Variants in FGGY observed in about 807,000 individuals in gnomAD.
FGGY encodes the protein FGGY carbohydrate kinase domain containing.
In FGGY, 72 loss-of-function variants were observed where a neutral mutation model predicts 71.3. The ratio of observed to expected loss-of-function variants is 1.01; its 90% CI spans 0.84 to 1.23. The LOEUF is 1.23. Ranked by LOEUF, FGGY falls within the 50% of genes most tolerant of loss-of-function variation. FGGY has a pLI of 0.00. For missense variants in FGGY, 668 were observed against 682.3 expected, an observed-to-expected ratio of 0.98 and a Z score of 0.23; for synonymous variants, 251 against 250.3, an observed-to-expected ratio of 1.00 and a Z score of -0.02.
chr1:59,651,377 G>T (rs12075498), intron 11 of FGGY, among the ~76,000 whole-genome samples: 10 of 148,546 alleles, frequency 6.7e-5, no homozygotes, highest in African/African-American at 2.6e-4. Flanking sequence ...TTATTAATGC[G>T]TGGGAGTCTA....
intron 7 of FGGY, among the ~76,000 whole-genome samples, chr1:59,520,372 G>A (rs1056046357): frequency 2.6e-5 from 4 of 152,170 alleles, no homozygotes; most frequent in Non-Finnish European, 2.9e-5. Context: ...CAAGCCACAC[G>A]GGACAACTTG....
At chr1:59,705,018 A>G (rs1316160433) in intron 14 of FGGY, among the ~76,000 whole-genome samples, 1 of 152,196 alleles carries the variant, frequency 6.6e-6, no homozygotes, top group South Asian at 2.1e-4. Flanking sequence ...CCCCATTACT[A>G]GTAAGAATGA....
chr1:59,357,122 A>T (rs2054481877), intron 4 of FGGY, among the ~76,000 whole-genome samples: 1 of 152,166 alleles, frequency 6.6e-6, no homozygotes, highest in Non-Finnish European at 1.5e-5. Flanking sequence ...CTGGACTTGT[A>T]ACTAAATACA....
At chr1:59,594,464 C>T (rs745719995) in intron 8 of FGGY, among the ~76,000 whole-genome samples, 4 of 152,158 alleles carry the variant, frequency 2.6e-5, no homozygotes, top group Non-Finnish European at 4.4e-5. Flanking sequence ...TCAAGAGGGC[C>T]TCATAACTTG....
intron 14 of FGGY, among the ~76,000 whole-genome samples, chr1:59,729,972 G>A (rs137880787): frequency 2.6e-5 from 4 of 152,186 alleles, no homozygotes; most frequent in African/African-American, 4.8e-5. Flanking sequence ...CAGTGTTTAC[G>A]CTTTCCCTCC....
chr1:59,421,471 A>C (rs1305204935), intron 5 of FGGY, among the ~76,000 whole-genome samples: 4 of 144,494 alleles, frequency 2.8e-5, no homozygotes, highest in Middle Eastern at 3.5e-3. Context: ...CCCTCCCTCC[A>C]TCTCTCCCTC....
At chr1:59,337,068 TGA>T (rs2049744176) in intron 2 of FGGY, among the ~76,000 whole-genome samples, 1 of 144,702 alleles carries the variant, frequency 6.9e-6, no homozygotes, top group African/African-American at 2.5e-5. Flanking sequence ...TATATATATA[TGA>T]AAGAAAGTTT....
At chr1:59,499,197 T>C (rs2094140526) in intron 6 of FGGY, among the ~76,000 whole-genome samples, 1 of 152,068 alleles carries the variant, frequency 6.6e-6, no homozygotes, top group Admixed American at 6.6e-5. Context: ...CAGAGAATAA[T>C]TATATATAGT....
chr1:59,318,327 C>T (rs996188952), intron 1 of FGGY, among the ~76,000 whole-genome samples: 3 of 152,186 alleles, frequency 2.0e-5, no homozygotes, highest in Admixed American at 6.5e-5. Context: ...GACATCCATT[C>T]ACTGAGTTAC....
rs1045225389 is a variant in FGGY, at chr1:59,510,302, C to T, written c.671-2009C>T. Among the ~76,000 whole-genome samples, 34 of 152,172 alleles carry T rather than the reference C, an allele frequency of 2.2e-4. 1 individual carries two copies. The highest frequency in any genetic ancestry group is 3.4e-3 in the Middle Eastern group (1 of 294). ...TGGGGGTAGTATGGGTCCTATTGTA[C>T]CCTTCACAGAGGGTTAATATGAAAA... is the stretch of plus-strand genomic sequence containing the variant. On this transcript the variant is annotated intron_variant, in intron 6 of 15. Transcript: ENST00000303721.
At chr1:59,511,652 G>A (rs949444382) in intron 6 of FGGY, among the ~76,000 whole-genome samples, 14 of 152,142 alleles carry the variant, frequency 9.2e-5, no homozygotes, top group African/African-American at 1.9e-4. Context: ...AGAATTCAAG[G>A]TCACTTGAAA....
chr1:59,412,766 A>G (rs1362686722), intron 5 of FGGY, among the ~76,000 whole-genome samples: 2 of 152,188 alleles, frequency 1.3e-5, no homozygotes, highest in Non-Finnish European at 2.9e-5. Flanking sequence ...ATAACTAAAT[A>G]AAACCAATTC....
rs377426575 is a variant in FGGY, at chr1:59,494,372, TC to T, written c.671-17937del. Among the ~76,000 whole-genome samples, 18 of 152,244 alleles carry T rather than the reference TC, an allele frequency of 1.2e-4. No homozygotes were observed. The East Asian group carries it at 2.7e-3, about 23-fold the overall frequency. ...AGTGTGAACATGTGGGCAGGAGTGTTCCTGGCAGAAGCAACAGCAGGAGCAG... is the reference window on the plus strand; with the variant it reads ...AGTGTGAACATGTGGGCAGGAGTGTTCTGGCAGAAGCAACAGCAGGAGCAG... On this transcript the variant is annotated intron_variant, in intron 6 of 15. Transcript: ENST00000303721.
chr1:59,676,608 A>G (rs1048519584), intron 14 of FGGY, among the ~76,000 whole-genome samples: 10 of 152,116 alleles, frequency 6.6e-5, no homozygotes, highest in Non-Finnish European at 1.3e-4. Context: ...GCTTAATTCC[A>G]CACTGACATC....
At chr1:59,472,081 T>C (rs1227710551) in intron 6 of FGGY, among the ~76,000 whole-genome samples, 1 of 152,214 alleles carries the variant, frequency 6.6e-6, no homozygotes, top group African/African-American at 2.4e-5. Flanking sequence ...CTTTCTGGGC[T>C]GGCCAAGGCC....
intron 14 of FGGY, among the ~76,000 whole-genome samples, chr1:59,678,589 CA>C (rs1242356945): frequency 2.0e-5 from 3 of 152,144 alleles, no homozygotes; most frequent in African/African-American, 7.2e-5. Context: ...AATCAAATGG[CA>C]AAGAGACAGC....
intron 5 of FGGY, among the ~76,000 whole-genome samples, chr1:59,407,642 C>T (rs2153420256): frequency 6.6e-6 from 1 of 152,178 alleles, no homozygotes; most frequent in East Asian, 1.9e-4. Flanking sequence ...GGCCTCTTTC[C>T]ATTCACTTCT....
chr1:59,646,520 A>G (rs149689748), intron 11 of FGGY, among the ~76,000 whole-genome samples: 2 of 149,824 alleles, frequency 1.3e-5, no homozygotes, highest in East Asian at 1.9e-4. Context: ...ATTTATATAT[A>G]AATTTACATA....
rs557159520 is a variant in FGGY, at chr1:59,714,806, CTG to C, written c.1512+40676_1512+40677del. 3.2e-4 allele frequency among the ~76,000 whole-genome samples: 49 copies of C among 152,286 alleles called. No homozygotes were observed. The South Asian group carries it at 4.8e-3, about 15-fold the overall frequency. Reference sequence around the variant, plus strand: ...TGGAGAGTTTTGAAAGTTACAAAGTCTGTGCCATTTAGCATGAGTTATTTTTC... The same window carrying C: ...TGGAGAGTTTTGAAAGTTACAAAGTCTGCCATTTAGCATGAGTTATTTTTC... On this transcript the variant is annotated intron_variant, in intron 14 of 15. Transcript: ENST00000303721.
Sources: gnomAD v4.1 joint callset for allele counts (sites outside exome capture counted in the v4.1 genomes callset) on GRCh38, gnomAD v4.1.1 for gene constraint, MANE v1.5 for transcripts, NCBI Gene and HGNC (gene_info 2026-07-23, HGNC 2026-07-21) for gene names.